BAZ2B: variants seen among roughly 807,000 people sequenced by gnomAD.
BAZ2B encodes the protein bromodomain adjacent to zinc finger domain 2B, also known as bromodomain adjacent to zinc finger domain protein 2B.
In BAZ2B, 91 loss-of-function variants were observed where a neutral mutation model predicts 246.0. The ratio of observed to expected loss-of-function variants is 0.37; its 90% confidence interval spans 0.31 to 0.44. The LOEUF is 0.44. BAZ2B is among the 20% of genes least tolerant of loss of function. The pLI is 1.00. For synonymous variants in BAZ2B, 855 were observed against 860.0 expected (o/e 0.99, Z 0.10); for missense variants, 2,332 against 2,533.7 (o/e 0.92, Z 1.71).
chr2:159,351,683 T>C (rs1438602317), intron 27 of BAZ2B, among the ~76,000 whole-genome samples: 1 of 152,218 alleles, frequency 6.6e-6, no homozygotes, highest in African/African-American at 2.4e-5. Context: ...GCATTATTTC[T>C]GGTCATTAGT....
rs138625376 is a variant in BAZ2B, at chr2:159,435,939, C to T, written c.1293+2364G>A. On this transcript the variant is annotated intron_variant, in intron 8 of 36. Coordinates refer to ENST00000392783, the MANE Select transcript of BAZ2B (RefSeq NM_013450.4). ...TAAAAACTGTCACAAAATATTTGTA[C>T]CTAAGGCAATACCTTACAAAGAGAA... 1.8e-3 allele frequency among the ~76,000 whole-genome samples: 271 copies of T among 152,230 alleles called. 7 individuals carry two copies. The East Asian group carries it at 0.047, about 26-fold the overall frequency.
intron 19 of BAZ2B, chr2:159,396,200 AACC>A (rs1414879827): frequency 6.2e-6 from 1 of 160,366 alleles, no homozygotes; most frequent in East Asian, 1.7e-4. Context: ...CTATTAGAAA[AACC>A]ACAAATACTA....
intron 2 of BAZ2B, among the ~76,000 whole-genome samples, chr2:159,484,026 C>A (rs1281468997): frequency 6.6e-6 from 1 of 152,140 alleles, no homozygotes. Flanking sequence ...CACCATCTCC[C>A]CCACCAGGGA....
chr2:159,320,897 A>G (rs980982708), intron 36 of BAZ2B, among the ~76,000 whole-genome samples: 10 of 152,232 alleles, frequency 6.6e-5, no homozygotes, highest in Admixed American at 4.6e-4. Flanking sequence ...ACCCCAAGAT[A>G]TGGTGCTCTG....
intron 36 of BAZ2B, among the ~76,000 whole-genome samples, chr2:159,320,938 T>C (rs181396418): frequency 8.5e-5 from 13 of 152,360 alleles, no homozygotes; most frequent in African/African-American, 2.9e-4. Flanking sequence ...ATTTCTCTTC[T>C]CTTCATATGT....
chr2:159,461,266 T>A (rs910348120), intron 3 of BAZ2B: 1 of 152,562 alleles, frequency 6.6e-6, no homozygotes, highest in Non-Finnish European at 1.5e-5. Flanking sequence ...GTTGTTATAT[T>A]ATATCTATGT....
chr2:159,407,917 GC>G (rs1412657342), intron 14 of BAZ2B, among the ~76,000 whole-genome samples: 2 of 152,132 alleles, frequency 1.3e-5, no homozygotes, highest in East Asian at 3.8e-4. Flanking sequence ...CTATAATAAT[GC>G]CAGATAAATA....
chr2:159,575,948 C>G (rs1428101481), intron 1 of BAZ2B, among the ~76,000 whole-genome samples: 1 of 152,150 alleles, frequency 6.6e-6, no homozygotes, highest in African/African-American at 2.4e-5. Flanking sequence ...ATTCTACAAA[C>G]AGCAGCCTAA....
At chr2:159,640,582 A>G in the BAZ2B span, among the ~76,000 whole-genome samples, 2 of 152,124 alleles carry the variant, frequency 1.3e-5, no homozygotes, top group Non-Finnish European at 2.9e-5. Context: ...TGAAAATTAA[A>G]CAATATGCTC....
chr2:159,349,652 G>A, intron 28 of BAZ2B, 56 bp downstream of exon 28: 3 of 1,485,284 alleles, frequency 2.0e-6, no homozygotes, highest in Non-Finnish European at 2.7e-6. Context: ...AAATCTCCAT[G>A]GGGTCAAAGA....
At chr2:159,676,512 T>G in the BAZ2B span, among the ~76,000 whole-genome samples, 2 of 152,040 alleles carry the variant, frequency 1.3e-5, no homozygotes, top group Non-Finnish European at 2.9e-5. Flanking sequence ...AGTGGAAAAA[T>G]TAAAAATATG....
At chr2:159,635,473 C>G in the BAZ2B span, among the ~76,000 whole-genome samples, 1 of 152,088 alleles carries the variant, frequency 6.6e-6, no homozygotes, top group Non-Finnish European at 1.5e-5. Context: ...TTTTTCGGAG[C>G]ACATGTGGTC....
intron 2 of BAZ2B, among the ~76,000 whole-genome samples, chr2:159,489,081 T>C (rs976089818): frequency 1.8e-4 from 28 of 152,142 alleles, no homozygotes; most frequent in African/African-American, 6.0e-4. Context: ...TTTACGCTTT[T>C]CCCCTAATAA....
intron 27 of BAZ2B, among the ~76,000 whole-genome samples, chr2:159,368,773 C>A (rs2060491996): frequency 6.8e-6 from 1 of 147,800 alleles, no homozygotes; most frequent in Non-Finnish European, 1.5e-5. Flanking sequence ...AAACAGAAAT[C>A]AGTGTCCAGA....
chr2:159,350,520 C>T (rs534609118), intron 27 of BAZ2B, among the ~76,000 whole-genome samples, 163 bp from the exon 28 acceptor site: 8 of 151,866 alleles, frequency 5.3e-5, no homozygotes, highest in African/African-American at 1.7e-4. Flanking sequence ...ATAGCTTTCA[C>T]TCACTGGAAA....
intron 2 of BAZ2B, among the ~76,000 whole-genome samples, chr2:159,532,510 A>T (rs1327512553): frequency 3.3e-5 from 5 of 152,180 alleles, no homozygotes; most frequent in Non-Finnish European, 1.5e-5. Flanking sequence ...TAATAAATGC[A>T]CTCATGAACA....
At chr2:159,598,748 G>A (rs528070672) in intron 1 of BAZ2B, among the ~76,000 whole-genome samples, 1 of 151,880 alleles carries the variant, frequency 6.6e-6, no homozygotes, top group East Asian at 1.9e-4. Flanking sequence ...CAGCTACTTG[G>A]GAGGCTGAAG....
intron 1 of BAZ2B, among the ~76,000 whole-genome samples, chr2:159,592,738 T>G (rs1689694422): frequency 6.6e-6 from 1 of 152,266 alleles, no homozygotes; most frequent in South Asian, 2.1e-4. Context: ...CTAGCCCCAG[T>G]TGAGCCTTGC....
At chr2:159,395,939 T>C in intron 19 of BAZ2B, 105 bp from the exon 20 acceptor site, 1 of 954,856 alleles carries the variant, frequency 1.0e-6, no homozygotes, top group Non-Finnish European at 1.6e-6. Context: ...CAGTATAGCA[T>C]GTTTAGCATT....
Sources: gnomAD v4.1 joint callset for allele counts (sites outside exome capture counted in the v4.1 genomes callset) on GRCh38, gnomAD v4.1.1 for gene constraint, MANE v1.5 for transcripts, NCBI Gene and HGNC (gene_info 2026-07-23, HGNC 2026-07-21) for gene names.